The following HCN1 variants were observed in gnomAD, a reference collection of about 807,000 sequenced individuals.
HCN1 encodes hyperpolarization activated cyclic nucleotide gated potassium channel 1, also known as potassium/sodium hyperpolarization-activated cyclic nucleotide-gated channel 1.
HCN1 carries 13 observed loss-of-function variants against 78.9 expected under a neutral mutation model. That is an observed-to-expected ratio of 0.16 (90% CI 0.11 to 0.26). The LOEUF (loss-of-function observed/expected upper bound fraction) is 0.26, where lower values mean the gene tolerates loss of function less well. Among genes scored for constraint, HCN1 ranks in the 10% least tolerant of loss-of-function variants. HCN1 has a pLI of 1.00. For missense variants in HCN1, 810 were observed against 1,154.3 expected (o/e 0.70, Z 4.32); for synonymous variants, 552 against 455.5 (o/e 1.21, Z -2.70).
At chr5:45,555,126 T>C (rs1273777847) in intron 2 of HCN1, among the ~76,000 whole-genome samples, 1 of 151,874 alleles carries the variant, frequency 6.6e-6, no homozygotes, top group Non-Finnish European at 1.5e-5. Context: ...GTAGATTATA[T>C]GATTTTATAT....
intron 2 of HCN1, among the ~76,000 whole-genome samples, chr5:45,596,905 G>C (rs552701939): frequency 3.3e-5 from 5 of 152,206 alleles, no homozygotes; most frequent in African/African-American, 1.2e-4. Context: ...AGAAAGAATA[G>C]GTGTTTAATA....
At chr5:45,424,651 T>A (rs905559085) in intron 3 of HCN1, among the ~76,000 whole-genome samples, 2 of 152,194 alleles carry the variant, frequency 1.3e-5, no homozygotes, top group Admixed American at 1.3e-4. Flanking sequence ...TGGAGATTTT[T>A]AAAAATAACT....
At chr5:45,535,844 C>T (rs533063358) in intron 2 of HCN1, among the ~76,000 whole-genome samples, 1 of 152,038 alleles carries the variant, frequency 6.6e-6, no homozygotes, top group East Asian at 1.9e-4. Context: ...TCTGGTAATC[C>T]GATTCCTTCA....
intron 3 of HCN1, among the ~76,000 whole-genome samples, chr5:45,430,308 A>G (rs562234037): frequency 1.3e-5 from 2 of 152,234 alleles, no homozygotes; most frequent in Admixed American, 6.5e-5. Context: ...TTTATGGTTC[A>G]GGGGTACATG....
At chr5:45,544,947 T>A (rs1003554301) in intron 2 of HCN1, among the ~76,000 whole-genome samples, 14 of 152,158 alleles carry the variant, frequency 9.2e-5, no homozygotes, top group African/African-American at 3.4e-4. Flanking sequence ...TGATTTATAA[T>A]CCTTTGGGTA....
chr5:45,315,630 G>GT (rs1428313592), intron 5 of HCN1, among the ~76,000 whole-genome samples: 1 of 151,994 alleles, frequency 6.6e-6, no homozygotes, highest in African/African-American at 2.4e-5. Flanking sequence ...CCAGGAGCTG[G>GT]TTTTTGAAAA....
chr5:45,556,620 C>A (rs1310668693), intron 2 of HCN1, among the ~76,000 whole-genome samples: 2 of 151,882 alleles, frequency 1.3e-5, no homozygotes, highest in African/African-American at 2.4e-5. Context: ...ATGTTTCAAG[C>A]TCAGAAGATG....
intron 4 of HCN1, among the ~76,000 whole-genome samples, chr5:45,369,549 G>A (rs905844486): frequency 1.3e-5 from 2 of 152,008 alleles, no homozygotes; most frequent in Non-Finnish European, 2.9e-5. Context: ...AGGAGAGTGG[G>A]GAGCACAAGA....
In HCN1 at chr5:45,255,430, A is replaced by C. The variant is rs1392977580; in HGVS notation, c.*6491T>G. 1 of 152,212 alleles carries C rather than the reference A, an allele frequency of 6.6e-6. No homozygotes were observed. Among genetic ancestry groups the C allele is most frequent in the African/African-American group, 2.4e-5 (1 of 41,440 alleles). 9.4% of individuals were successfully genotyped at this position (152,212 alleles called of 1,614,324 possible). ...TATGAATCATCTGGGGATCTTGCCC[A>C]AAAGCGGACTTCTGTAGGTACAGGG... On this transcript the variant is annotated 3_prime_UTR_variant, in exon 8 of 8. Transcript: ENST00000303230.
At chr5:45,291,899 A>G (rs1188878872) in intron 6 of HCN1, among the ~76,000 whole-genome samples, 1 of 152,062 alleles carries the variant, frequency 6.6e-6, no homozygotes, top group Non-Finnish European at 1.5e-5. Flanking sequence ...TTTTTATGGC[A>G]TCAAATATTA....
At chr5:45,368,013 G>A (rs1747270244) in intron 4 of HCN1, among the ~76,000 whole-genome samples, 1 of 151,962 alleles carries the variant, frequency 6.6e-6, no homozygotes, top group Non-Finnish European at 1.5e-5. Context: ...GATCTTGACT[G>A]TAGATGAGGT....
intron 4 of HCN1, among the ~76,000 whole-genome samples, chr5:45,372,202 ACATATTATAT>A (rs1747406479): frequency 6.9e-5 from 4 of 57,986 alleles, no homozygotes; most frequent in Admixed American, 3.2e-4. Context: ...TTAATATAAT[ACATATTATAT>A]AATATAATAT....
chr5:45,693,803 T>C (rs1213907417), intron 1 of HCN1, among the ~76,000 whole-genome samples: 1 of 151,674 alleles, frequency 6.6e-6, no homozygotes, highest in African/African-American at 2.4e-5. Context: ...TTCACATTGC[T>C]GAAAAAATAA....
intron 6 of HCN1, among the ~76,000 whole-genome samples, chr5:45,287,648 A>T (rs912311757): frequency 6.6e-6 from 1 of 152,028 alleles, no homozygotes; most frequent in African/African-American, 2.4e-5. Context: ...AGTTGAGGTT[A>T]TCTCTAGTTT....
At chr5:45,502,711 GA>G (rs952002765) in intron 2 of HCN1, among the ~76,000 whole-genome samples, 16 of 152,080 alleles carry the variant, frequency 1.1e-4, no homozygotes, top group Non-Finnish European at 2.1e-4. Flanking sequence ...TTGTCTAAAT[GA>G]AGGCCTGGTA....
At position 45,353,132 on chromosome 5, in the gene HCN1, T is replaced by A. The variant is rs1449411437; in HGVS notation, c.1345A>T (p.Ile449Phe). 6.2e-7 allele frequency: 1 copy of A among 1,611,780 alleles called. No individual in the cohort carries two copies. Among genetic ancestry groups the A allele is most frequent in the Non-Finnish European group, 8.5e-7 (1 of 1,178,534 alleles). Reference protein sequence around the residue: ...YQGKIFDEENILNELNDPLRE... With the variant: ...YQGKIFDEENFLNELNDPLRE... ...AGAGGATCATTGAGTTCATTGAGAA[T>A]ATTTTCCTCATCAAAGATTTTGCCT... is the stretch of plus-strand genomic sequence containing the variant. The change falls in exon 5 of 8, where the codon ATT (isoleucine) becomes TTT (phenylalanine). Residue 449 changes from isoleucine to phenylalanine, a missense_variant. Physicochemically the swap from Ile to Phe is conservative, Grantham distance 21. Around this residue, in one of 6 missense-constraint regions of HCN1, gnomAD observed 100 missense variants for 126.8 expected, o/e 0.79. Coordinates refer to ENST00000303230, the MANE Select transcript of HCN1 (RefSeq NM_021072.4).
intron 2 of HCN1, among the ~76,000 whole-genome samples, chr5:45,621,681 T>C (rs1176873766): frequency 1.3e-5 from 2 of 152,164 alleles, no homozygotes; most frequent in Non-Finnish European, 2.9e-5. Flanking sequence ...AAATATTTGA[T>C]AAATAAAGCA....
intron 3 of HCN1, among the ~76,000 whole-genome samples, chr5:45,449,759 T>G (rs1740877537): frequency 6.6e-6 from 1 of 152,188 alleles, no homozygotes. Context: ...CCCCCAAAAT[T>G]TTATGATTTC....
intron 6 of HCN1, among the ~76,000 whole-genome samples, chr5:45,281,579 C>CTTTTCTT (rs1745168221): frequency 1.2e-5 from 1 of 81,662 alleles, no homozygotes; most frequent in Non-Finnish European, 2.4e-5. Flanking sequence ...CTCTTCTCTT[C>CTTTTCTT]TTTTTTTTTT....
Sources: allele counts gnomAD v4.1 joint callset (sites outside exome capture counted in the v4.1 genomes callset), GRCh38; gene constraint gnomAD v4.1.1; regional missense constraint gnomAD v4.1.1; transcripts MANE v1.5; gene names NCBI Gene and HGNC (gene_info 2026-07-23, HGNC 2026-07-21).